PCLO: variants seen among roughly 807,000 people sequenced by gnomAD.
The protein encoded by PCLO is protein piccolo.
In PCLO, 82 loss-of-function variants were observed where a neutral mutation model predicts 427.5. That is an observed-to-expected ratio of 0.19 (90% CI 0.16 to 0.23). PCLO has a LOEUF of 0.23. PCLO is among the 10% of genes least tolerant of loss of function. The pLI is 1.00. For synonymous variants in PCLO, 2,357 were observed against 2,155.4 expected (o/e 1.09, Z -2.59); for missense variants, 6,239 against 6,115.9 (o/e 1.02, Z -0.67).
At chr7:83,050,636 T>C (rs1187192325) in intron 3 of PCLO, among the ~76,000 whole-genome samples, 1 of 151,728 alleles carries the variant, frequency 6.6e-6, no homozygotes, top group Non-Finnish European at 1.5e-5. Flanking sequence ...TGGGTTAACA[T>C]TTAAAAATTA....
At chr7:83,122,322 A>G (rs1192476728) in intron 3 of PCLO, among the ~76,000 whole-genome samples, 3 of 86,040 alleles carry the variant, frequency 3.5e-5, no homozygotes, top group African/African-American at 1.3e-4. Flanking sequence ...GTTTTGCTCT[A>G]TTGCCCAGGC....
rs530186303 is a variant in PCLO at position 82,889,100 on chromosome 7, G to A, written c.13529-9638C>T. ...ACAAGTCTTCCTGTAGGACCTAGGG[G>A]CGCTCCAACCTTTTGATACTAAAAA... On this transcript the variant is annotated intron_variant, in intron 9 of 24. Coordinates refer to ENST00000333891, the MANE Select transcript of PCLO (RefSeq NM_033026.6). 2.5e-4 allele frequency among the ~76,000 whole-genome samples: 38 copies of A among 152,100 alleles called. 1 individual carries two copies. Among genetic ancestry groups the A allele is most frequent in the African/African-American group, 8.4e-4 (35 of 41,500 alleles).
intron 9 of PCLO, among the ~76,000 whole-genome samples, chr7:82,884,701 G>A (rs1584099280): frequency 1.3e-5 from 2 of 152,148 alleles, no homozygotes; most frequent in South Asian, 2.1e-4. Flanking sequence ...TATGAAACTG[G>A]ATGTCACAAA....
rs61995910 is a variant in PCLO at position 82,956,442 on chromosome 7, G to C, written c.4511C>G (p.Thr1504Ser). The change falls in exon 5 of 25, where the codon ACT (threonine) becomes AGT (serine). Residue 1504 changes from threonine to serine, a missense_variant. Thr to Ser is a moderately conservative substitution (Grantham distance 58). Coordinates refer to ENST00000333891, the MANE Select transcript of PCLO (RefSeq NM_033026.6). Reference sequence around the variant, plus strand: ...TGAATCATAAGGCTCTCTTCTAGTAGTTATGTCATCAACAAACTCAGACTT... The same window carrying C: ...TGAATCATAAGGCTCTCTTCTAGTACTTATGTCATCAACAAACTCAGACTT... ...KEKSEFVDDI[T>S]TRREPYDSVE... 2,457 of 1,613,658 alleles carry C rather than the reference G, an allele frequency of 1.5e-3. 37 individuals are homozygous for C. In the African/African-American group the frequency reaches 0.026, roughly 17 times the overall value.
chr7:83,070,282 G>T (rs1441680953), intron 3 of PCLO, among the ~76,000 whole-genome samples: 1 of 152,106 alleles, frequency 6.6e-6, no homozygotes, highest in African/African-American at 2.4e-5. Flanking sequence ...CCAACAGCTT[G>T]ACTGCAACCT....
At chr7:82,774,064 GT>G (rs1371211597) in intron 22 of PCLO, among the ~76,000 whole-genome samples, 5 of 152,136 alleles carry the variant, frequency 3.3e-5, no homozygotes, top group African/African-American at 1.2e-4. Flanking sequence ...AGACCAAAAG[GT>G]AGTAATGGCT....
chr7:82,902,296 AATC>A (rs1246584110), intron 9 of PCLO, among the ~76,000 whole-genome samples: 1 of 151,824 alleles, frequency 6.6e-6, no homozygotes, highest in Non-Finnish European at 1.5e-5. Context: ...TGAAATTGGA[AATC>A]ATCATTCTCA....
intron 6 of PCLO, among the ~76,000 whole-genome samples, chr7:82,932,196 T>C (rs1315125400): frequency 1.3e-5 from 2 of 152,140 alleles, no homozygotes; most frequent in Non-Finnish European, 2.9e-5. Flanking sequence ...CATGGCTCTT[T>C]GAACTTTTAG....
chr7:83,111,645 A>C (rs1265716093), intron 3 of PCLO, among the ~76,000 whole-genome samples: 1 of 152,138 alleles, frequency 6.6e-6, no homozygotes, highest in Non-Finnish European at 1.5e-5. Context: ...AACCTGAGTA[A>C]CTCCAGATAG....
At chr7:83,138,145 T>C (rs1472817396) in intron 2 of PCLO, among the ~76,000 whole-genome samples, 1 of 152,190 alleles carries the variant, frequency 6.6e-6, no homozygotes, top group Admixed American at 6.5e-5. Context: ...CTTACATGTA[T>C]AGTCACTGAC....
intron 3 of PCLO, among the ~76,000 whole-genome samples, chr7:83,107,543 A>G (rs1157325652): frequency 6.6e-6 from 1 of 151,942 alleles, no homozygotes; most frequent in Non-Finnish European, 1.5e-5. Context: ...TTTGAATTAT[A>G]TATATTTAGG....
chr7:83,094,299 C>T (rs11543831), intron 3 of PCLO, among the ~76,000 whole-genome samples: 68,250 of 149,398 alleles, frequency 0.46, 15,976 homozygotes, highest in East Asian at 0.71. Flanking sequence ...ACCTTCACCT[C>T]CTGAGTTCAA....
intron 3 of PCLO, among the ~76,000 whole-genome samples, chr7:83,114,759 A>G (rs999608139): frequency 1.3e-5 from 2 of 152,078 alleles, no homozygotes; most frequent in Admixed American, 6.6e-5. Context: ...ATGGTATACA[A>G]TGCCATGAGA....
chr7:83,134,188 A>C, intron 3 of PCLO, 62 bp downstream of exon 3: 1 of 529,478 alleles, frequency 1.9e-6, no homozygotes, highest in South Asian at 1.1e-4. Context: ...AAATGTTTCA[A>C]AATAAACCCA....
chr7:82,795,180 A>G (rs1438054712), intron 22 of PCLO, among the ~76,000 whole-genome samples: 5 of 152,194 alleles, frequency 3.3e-5, no homozygotes, highest in Non-Finnish European at 7.4e-5. Context: ...GAAGAAAATT[A>G]TGGCAGAACT....
At chr7:83,098,063 AAGTT>A (rs1367362654) in intron 3 of PCLO, among the ~76,000 whole-genome samples, 1 of 152,130 alleles carries the variant, frequency 6.6e-6, no homozygotes, top group Non-Finnish European at 1.5e-5. Flanking sequence ...AATTGAGAAT[AAGTT>A]AGATAGTTTA....
At chr7:82,847,574 GAAAC>G (rs901633308) in intron 10 of PCLO, among the ~76,000 whole-genome samples, 12 of 152,164 alleles carry the variant, frequency 7.9e-5, no homozygotes, top group Non-Finnish European at 1.6e-4. Flanking sequence ...TTTTGTATAG[GAAAC>G]AAACAAACAA....
chr7:83,054,286 C>A (rs1789324014), intron 3 of PCLO, among the ~76,000 whole-genome samples: 1 of 152,034 alleles, frequency 6.6e-6, no homozygotes, highest in Non-Finnish European at 1.5e-5. Context: ...TGCTTCTATG[C>A]AATACACAGA....
At chr7:83,114,871 T>C (rs766655707) in intron 3 of PCLO, among the ~76,000 whole-genome samples, 12 of 152,066 alleles carry the variant, frequency 7.9e-5, no homozygotes, top group Non-Finnish European at 1.6e-4. Context: ...TTGTTTCATA[T>C]GGCTCAGCTG....
Sources: allele counts gnomAD v4.1 joint callset (sites outside exome capture counted in the v4.1 genomes callset), GRCh38; gene constraint gnomAD v4.1.1; transcripts MANE v1.5; gene names NCBI Gene and HGNC (gene_info 2026-07-23, HGNC 2026-07-21).